Variants in PKP2 observed in about 807,000 individuals in gnomAD.
PKP2 encodes the protein plakophilin-2.
PKP2 carries 73 observed loss-of-function variants against 83.4 expected under a neutral mutation model. That is an observed-to-expected ratio of 0.88 (90% CI 0.72 to 1.06). PKP2 has a LOEUF of 1.06. Ranked by LOEUF, PKP2 falls within the 50% of genes least tolerant of loss-of-function variation. The pLI is 0.00. For synonymous variants in PKP2, 409 were observed against 430.4 expected (o/e 0.95, Z 0.62); for missense variants, 966 against 1,065.4 (o/e 0.91, Z 1.30).
chr12:32,867,107 T>C lies in PKP2; in HGVS notation c.1170+1820A>G, dbSNP rs1956856456. 2.6e-5 allele frequency among the ~76,000 whole-genome samples: 4 copies of C among 152,160 alleles called. No individual in the cohort carries two copies. The South Asian group carries it at 8.3e-4, about 32-fold the overall frequency. On this transcript the variant is annotated intron_variant, in intron 4 of 12. Transcript: ENST00000340811. Reference sequence around the variant, plus strand: ...CTTTGAGAGGCCGAGGAAGGAGGACTGCTTGAGCCAGGTGTTCCAGACCAG... The same window carrying C: ...CTTTGAGAGGCCGAGGAAGGAGGACCGCTTGAGCCAGGTGTTCCAGACCAG...
intron 6 of PKP2, among the ~76,000 whole-genome samples, chr12:32,825,702 A>C (rs1379773928): frequency 6.6e-6 from 1 of 152,118 alleles, no homozygotes; most frequent in Non-Finnish European, 1.5e-5. Context: ...CAGGAGTTTA[A>C]GACCAGCCTG....
At chr12:32,877,145 C>T (rs911663809) in intron 3 of PKP2, among the ~76,000 whole-genome samples, 2 of 152,152 alleles carry the variant, frequency 1.3e-5, no homozygotes, top group African/African-American at 2.4e-5. Context: ...ATCTAATCAG[C>T]CATCCATTTC....
intron 10 of PKP2, among the ~76,000 whole-genome samples, chr12:32,796,976 C>T (rs1956131901): frequency 6.6e-6 from 1 of 151,964 alleles, no homozygotes; most frequent in Non-Finnish European, 1.5e-5. Context: ...CTACATGTAA[C>T]TGAAAAACTA....
intron 5 of PKP2, among the ~76,000 whole-genome samples, chr12:32,850,014 G>A (rs1323583277): frequency 6.6e-6 from 1 of 152,194 alleles, no homozygotes; most frequent in Non-Finnish European, 1.5e-5. Flanking sequence ...AAACAACTGG[G>A]TGTGGTTCTT....
At chr12:32,829,086 C>A (rs1285869054) in intron 6 of PKP2, among the ~76,000 whole-genome samples, 1 of 152,050 alleles carries the variant, frequency 6.6e-6, no homozygotes, top group Non-Finnish European at 1.5e-5. Flanking sequence ...TAGGCATGCA[C>A]TGCCGAGCCC....
intron 4 of PKP2, among the ~76,000 whole-genome samples, chr12:32,856,210 G>A (rs918488783): frequency 2.6e-5 from 4 of 152,116 alleles, no homozygotes; most frequent in African/African-American, 7.2e-5. Context: ...ATGAAAATAA[G>A]ACCACGTTAA....
In PKP2 at chr12:32,843,312, G is replaced by T. The variant is rs751862142; in HGVS notation, c.1379-2107C>A. The T allele has an allele frequency of 7.3e-7, 1 of 1,364,996 alleles. No homozygotes were observed. Among genetic ancestry groups the T allele is most frequent in the South Asian group, 1.1e-5 (1 of 88,034 alleles). 84.6% of individuals were successfully genotyped at this position (1,364,996 alleles called of 1,614,324 possible). On this transcript the variant is annotated intron_variant, in intron 5 of 12. Coordinates refer to ENST00000340811, the MANE Select transcript of PKP2 (RefSeq NM_001005242.3). The stretch of plus-strand genomic sequence containing the variant: ...TCCTACTTCTTAAATTGACTGTATG[G>T]TCTGTACAAAGGAAAGAGGAAGCAT...
chr12:32,802,159 T>C (rs372388630), intron 10 of PKP2, among the ~76,000 whole-genome samples: 60 of 144,698 alleles, frequency 4.1e-4, no homozygotes, highest in Non-Finnish European at 6.6e-4. Context: ...TAGTATGCTC[T>C]AAAATTTCTC....
chr12:32,825,159 TTTC>T (rs1355330109), intron 6 of PKP2, among the ~76,000 whole-genome samples: 2 of 141,582 alleles, frequency 1.4e-5, no homozygotes, highest in Non-Finnish European at 3.0e-5. Context: ...ATCAGATCAG[TTTC>T]TTTTTTTTTT....
intron 4 of PKP2, among the ~76,000 whole-genome samples, chr12:32,858,627 T>A (rs1288882808): frequency 6.6e-6 from 1 of 151,996 alleles, no homozygotes; most frequent in Non-Finnish European, 1.5e-5. Context: ...ATAAGAATTT[T>A]AAAATCCTGC....
intron 10 of PKP2, among the ~76,000 whole-genome samples, chr12:32,798,801 A>G (rs1956154180): frequency 6.6e-6 from 1 of 152,218 alleles, no homozygotes; most frequent in Non-Finnish European, 1.5e-5. Context: ...GAGACCTGAA[A>G]CCATAAAAAT....
At chr12:32,792,960 T>G in intron 11 of PKP2, 1 of 524,318 alleles carries the variant, frequency 1.9e-6, no homozygotes, top group Non-Finnish European at 3.4e-6. Flanking sequence ...AATAAATAAA[T>G]AGTTTATAGG....
chr12:32,817,027 A>T (rs1239747773), intron 9 of PKP2, among the ~76,000 whole-genome samples: 1 of 152,190 alleles, frequency 6.6e-6, no homozygotes, highest in Non-Finnish European at 1.5e-5. Context: ...ATTTTCTCCC[A>T]TTCTGTAGGT....
At chr12:32,792,762 G>C (rs1956082871) in intron 11 of PKP2, 31 bp from the exon 12 acceptor site, 1 of 1,550,112 alleles carries the variant, frequency 6.5e-7, no homozygotes. Context: ...TGAGATCAGG[G>C]AGAATGAGTG....
intron 3 of PKP2, 87 bp downstream of exon 3, chr12:32,877,759 C>T: frequency 1.0e-6 from 1 of 975,344 alleles, no homozygotes; most frequent in Non-Finnish European, 1.6e-6. Context: ...TTCTCTCAAG[C>T]CCCAGAAGTG....
At chr12:32,824,488 C>T (rs1047539604) in intron 6 of PKP2, 7 of 352,592 alleles carry the variant, frequency 2.0e-5, no homozygotes, top group African/African-American at 1.5e-4. Context: ...AGAACAAGAG[C>T]AAATGGCACA....
At chr12:32,807,240 G>A (rs1956233950) in intron 9 of PKP2, among the ~76,000 whole-genome samples, 1 of 152,174 alleles carries the variant, frequency 6.6e-6, no homozygotes, top group South Asian at 2.1e-4. Context: ...CCAGAGCTGA[G>A]TTAACTCTTC....
intron 9 of PKP2, among the ~76,000 whole-genome samples, chr12:32,804,073 G>C (rs1956204090): frequency 6.6e-6 from 1 of 152,100 alleles, no homozygotes; most frequent in Admixed American, 6.5e-5. Flanking sequence ...CAGAATACCT[G>C]TCTCAGCTGT....
At chr12:32,878,827 G>C in intron 2 of PKP2, 93 bp downstream of exon 2, 1 of 816,610 alleles carries the variant, frequency 1.2e-6, no homozygotes, top group African/African-American at 1.7e-5. Flanking sequence ...TAATACTTGG[G>C]AAAAGTAAAC....
Sources: gnomAD v4.1 joint callset for allele counts (sites outside exome capture counted in the v4.1 genomes callset) on GRCh38, gnomAD v4.1.1 for gene constraint, MANE v1.5 for transcripts, NCBI Gene and HGNC (gene_info 2026-07-23, HGNC 2026-07-21) for gene names.